Variants in SASH1 observed in about 807,000 individuals in gnomAD.
SASH1 encodes the protein SAM and SH3 domain-containing protein 1.
In SASH1, 44 loss-of-function variants were observed where a neutral mutation model predicts 125.2. That is an observed-to-expected ratio of 0.35 (90% confidence interval 0.28 to 0.45). The LOEUF is 0.45. Ranked by LOEUF, SASH1 falls within the 20% of genes least tolerant of loss-of-function variation. SASH1 has a pLI of 1.00. For synonymous variants in SASH1, 639 were observed against 649.1 expected (o/e 0.98, Z 0.24); for missense variants, 1,426 against 1,614.5 (o/e 0.88, Z 2.00).
At chr6:148,369,981 A>AAC (rs1782647583) in intron 1 of SASH1, among the ~76,000 whole-genome samples, 1 of 150,686 alleles carries the variant, frequency 6.6e-6, no homozygotes, top group Admixed American at 6.6e-5. Flanking sequence ...AAAAAAAAAA[A>AAC]AAAAAGGAAA....
At chr6:148,233,804 A>C in the SASH1 span, among the ~76,000 whole-genome samples, 3 of 146,432 alleles carry the variant, frequency 2.0e-5, no homozygotes, top group Non-Finnish European at 4.5e-5. Context: ...TCTTAGCTAC[A>C]TGGGAGGCTG....
At chr6:148,464,209 A>T (rs749529886) in intron 4 of SASH1, among the ~76,000 whole-genome samples, 2 of 152,204 alleles carry the variant, frequency 1.3e-5, no homozygotes, top group Non-Finnish European at 2.9e-5. Flanking sequence ...AGGGATCTTG[A>T]GGAAAAATGT....
chr6:148,296,339 T>A (rs1779764243), intron 1 of SASH1, among the ~76,000 whole-genome samples: 1 of 152,190 alleles, frequency 6.6e-6, no homozygotes, highest in Non-Finnish European at 1.5e-5. Flanking sequence ...TTGGCCAGGC[T>A]GGTCTCAAAC....
intron 2 of SASH1, among the ~76,000 whole-genome samples, chr6:148,392,547 A>G (rs1783774672): frequency 6.6e-6 from 1 of 152,250 alleles, no homozygotes; most frequent in Non-Finnish European, 1.5e-5. Context: ...GCAAGTGAAC[A>G]TAATCTGTTT....
chr6:148,299,291 T>A (rs1450334870), intron 1 of SASH1, among the ~76,000 whole-genome samples: 2 of 150,504 alleles, frequency 1.3e-5, no homozygotes, highest in African/African-American at 4.9e-5. Flanking sequence ...TTACAAAGAT[T>A]TTTTTTGTAA....
intron 1 of SASH1, among the ~76,000 whole-genome samples, chr6:148,327,727 G>A (rs908864901): frequency 6.6e-6 from 1 of 150,952 alleles, no homozygotes. Flanking sequence ...GATCACCTGA[G>A]GTCAGGAGTT....
At chr6:148,340,562 A>G (rs1781291277), upstream of SASH1, among the ~76,000 whole-genome samples, 1 of 152,190 alleles carries the variant, frequency 6.6e-6, no homozygotes, top group Admixed American at 6.5e-5. Flanking sequence ...GTCAACTGTA[A>G]AGGCTATTTA....
chr6:148,307,170 G>A (rs1329537562), intron 1 of SASH1, among the ~76,000 whole-genome samples: 1 of 151,020 alleles, frequency 6.6e-6, no homozygotes, highest in Non-Finnish European at 1.5e-5. Flanking sequence ...CCAGGCTGGA[G>A]TGCAGTGGCT....
At chr6:148,213,804 A>C in the SASH1 span, among the ~76,000 whole-genome samples, 3 of 152,130 alleles carry the variant, frequency 2.0e-5, no homozygotes, top group Non-Finnish European at 4.4e-5. Context: ...CTCAATTTGC[A>C]AACCACTGTC....
chr6:148,324,118 C>CAAAAA (rs56950339), intron 1 of SASH1, among the ~76,000 whole-genome samples: 2,350 of 59,338 alleles, frequency 0.04, 272 homozygotes, highest in Middle Eastern at 0.071. Flanking sequence ...GAATCTGTCT[C>CAAAAA]AAAAAAAAAA....
At chr6:148,409,707 G>A (rs1241951033) in intron 2 of SASH1, among the ~76,000 whole-genome samples, 1 of 152,172 alleles carries the variant, frequency 6.6e-6, no homozygotes, top group Non-Finnish European at 1.5e-5. Context: ...AGGCCTAGGT[G>A]GGCGGATCAT....
chr6:148,268,141 G>A (rs781190939), upstream of SASH1, among the ~76,000 whole-genome samples: 259 of 152,264 alleles, frequency 1.7e-3, 4 homozygotes, highest in Non-Finnish European at 1.2e-3. Flanking sequence ...GAAGAGATTT[G>A]CAATGATAAG....
the SASH1 span, among the ~76,000 whole-genome samples, chr6:148,253,283 T>A: frequency 6.6e-6 from 1 of 152,196 alleles, no homozygotes; most frequent in Non-Finnish European, 1.5e-5. Flanking sequence ...TTATGGTCAT[T>A]TGATTTTCAT....
At chr6:148,344,347 G>A (rs1354939184) in intron 1 of SASH1, among the ~76,000 whole-genome samples, 1 of 152,186 alleles carries the variant, frequency 6.6e-6, no homozygotes, top group South Asian at 2.1e-4. Flanking sequence ...AGACTGTATA[G>A]CATATAGTAG....
chr6:148,417,024 TTG>T (rs1784847694), intron 2 of SASH1, among the ~76,000 whole-genome samples: 1 of 152,174 alleles, frequency 6.6e-6, no homozygotes, highest in African/African-American at 2.4e-5. Flanking sequence ...CAGCCCATAT[TTG>T]TGTGTCTGCT....
At chr6:148,349,460 C>T (rs764968016) in intron 1 of SASH1, among the ~76,000 whole-genome samples, 5 of 151,796 alleles carry the variant, frequency 3.3e-5, no homozygotes, top group Non-Finnish European at 7.4e-5. Context: ...AATGGGTTTT[C>T]ACCATATTGT....
intron 4 of SASH1, among the ~76,000 whole-genome samples, chr6:148,452,366 G>A (rs2115045867): frequency 6.6e-6 from 1 of 152,294 alleles, no homozygotes; most frequent in African/African-American, 2.4e-5. Flanking sequence ...TGGGCATGGT[G>A]AGGAGTGTGA....
At chr6:148,429,293 G>A (rs117398556) in intron 2 of SASH1, among the ~76,000 whole-genome samples, 28,952 of 150,484 alleles carry the variant, frequency 0.19, 3,050 homozygotes, top group East Asian at 0.29. Flanking sequence ...GGCTGAGGCA[G>A]GAGGATTGCT....
chr6:148,364,815 C>A (rs961977608), intron 1 of SASH1, among the ~76,000 whole-genome samples: 1 of 152,048 alleles, frequency 6.6e-6, no homozygotes, highest in African/African-American at 2.4e-5. Flanking sequence ...TAAGAACATT[C>A]CATGATTAAC....
Sources: allele counts gnomAD v4.1 joint callset (sites outside exome capture counted in the v4.1 genomes callset), GRCh38; gene constraint gnomAD v4.1.1; transcripts MANE v1.5; gene names NCBI Gene and HGNC (gene_info 2026-07-23, HGNC 2026-07-21).